Variants in SMURF1 observed in about 807,000 individuals in gnomAD.
SMURF1 encodes E3 ubiquitin-protein ligase SMURF1.
Under a neutral mutation model 98.0 loss-of-function variants are expected in SMURF1, and 44 were observed. The ratio of observed to expected loss-of-function variants is 0.45; its 90% confidence interval spans 0.35 to 0.58. SMURF1 has a LOEUF of 0.58. SMURF1 is among the 20% of genes least tolerant of loss of function. The pLI is 0.00. For missense variants in SMURF1, 687 were observed against 938.4 expected, an observed-to-expected ratio of 0.73 and a Z score of 3.50; for synonymous variants, 396 against 374.9, an observed-to-expected ratio of 1.06 and a Z score of -0.65.
intron 1 of SMURF1, among the ~76,000 whole-genome samples, chr7:99,066,871 G>A (rs1046009508): frequency 6.6e-6 from 1 of 151,878 alleles, no homozygotes; most frequent in African/African-American, 2.4e-5. Flanking sequence ...TAAGTTAATG[G>A]TATATGATTT....
intron 1 of SMURF1, among the ~76,000 whole-genome samples, chr7:99,108,502 C>T (rs1175323442): frequency 6.9e-6 from 1 of 144,946 alleles, no homozygotes. Flanking sequence ...ATCCTAGCTA[C>T]TGGGGAGGCT....
chr7:99,078,353 G>T (rs1168940485), intron 1 of SMURF1, among the ~76,000 whole-genome samples: 7 of 151,702 alleles, frequency 4.6e-5, no homozygotes, highest in Admixed American at 4.6e-4. Context: ...AAAATTGACA[G>T]ATAATTAGGT....
At chr7:99,059,689 C>T (rs1278016737) in intron 3 of SMURF1, among the ~76,000 whole-genome samples, 1 of 151,690 alleles carries the variant, frequency 6.6e-6, no homozygotes, top group Non-Finnish European at 1.5e-5. Flanking sequence ...GCGGGTGGAT[C>T]ATGAGGTCAG....
chr7:99,135,330 T>TTCTCTCCTCTCTCCC (rs766592325), intron 1 of SMURF1, among the ~76,000 whole-genome samples: 1 of 152,176 alleles, frequency 6.6e-6, no homozygotes, highest in East Asian at 1.9e-4. Context: ...CTTCTCTCTT[T>TTCTCTCCTCTCTCCC]TCTCTCCTCT....
intron 1 of SMURF1, among the ~76,000 whole-genome samples, chr7:99,104,164 G>A (rs868191549): frequency 6.6e-6 from 1 of 152,100 alleles, no homozygotes; most frequent in Non-Finnish European, 1.5e-5. Context: ...TGCGATTATG[G>A]GCATGAACCA....
intron 1 of SMURF1, among the ~76,000 whole-genome samples, chr7:99,078,674 G>A (rs1025446072): frequency 6.6e-6 from 1 of 152,324 alleles, no homozygotes; most frequent in South Asian, 2.1e-4. Flanking sequence ...TCTCATAGGA[G>A]CATGAACCCT....
chr7:99,091,263 G>A (rs1796804438), intron 1 of SMURF1, among the ~76,000 whole-genome samples: 1 of 152,114 alleles, frequency 6.6e-6, no homozygotes, highest in African/African-American at 2.4e-5. Context: ...ATGCGGATCT[G>A]AAACACACAC....
At chr7:99,048,559 G>GA (rs1795656408) in intron 9 of SMURF1, 1 of 152,352 alleles carries the variant, frequency 6.6e-6, no homozygotes, top group South Asian at 2.1e-4. Context: ...GAGATGATGG[G>GA]AAAAAATTTT....
chr7:99,036,279 G>A, intron 15 of SMURF1: 1 of 157,494 alleles, frequency 6.3e-6, no homozygotes, highest in South Asian at 1.9e-4. Context: ...GGAGTTCAAG[G>A]CCAGCCTGGG....
At chr7:99,063,263 A>AAGATT (rs1323337132) in intron 1 of SMURF1, among the ~76,000 whole-genome samples, 152 of 8,020 alleles carry the variant, frequency 0.019, 2 homozygotes, top group Admixed American at 0.099. Context: ...ATATATATAT[A>AAGATT]TATATATATA....
intron 1 of SMURF1, among the ~76,000 whole-genome samples, chr7:99,079,121 A>C (rs1388275728): frequency 6.6e-6 from 1 of 152,224 alleles, no homozygotes; most frequent in Non-Finnish European, 1.5e-5. Context: ...CCCAGGTGGG[A>C]AGCCGGGAAG....
intron 5 of SMURF1, 47 bp downstream of exon 5, chr7:99,057,158 G>A (rs375188496): frequency 5.0e-6 from 8 of 1,602,074 alleles, no homozygotes; most frequent in African/African-American, 2.7e-5. Context: ...AGGGTTGAAT[G>A]TAAGTTCTGG....
At chr7:99,087,699 A>T (rs951715702) in intron 1 of SMURF1, among the ~76,000 whole-genome samples, 1 of 151,750 alleles carries the variant, frequency 6.6e-6, no homozygotes, top group African/African-American at 2.4e-5. Context: ...ACATTAAATG[A>T]CTCCTCCGAC....
chr7:99,083,865 C>A (rs905760545), intron 1 of SMURF1, among the ~76,000 whole-genome samples: 18 of 152,230 alleles, frequency 1.2e-4, no homozygotes, highest in Non-Finnish European at 2.5e-4. Flanking sequence ...TGGCTGCCCC[C>A]TTTCGATAAC....
intron 1 of SMURF1, among the ~76,000 whole-genome samples, chr7:99,114,717 C>T (rs1797401450): frequency 6.6e-6 from 1 of 152,126 alleles, no homozygotes. Context: ...TCTTCTCAAG[C>T]ACATGTGGAA....
rs887242579 is a variant in SMURF1, at chr7:99,088,389, C to T, written c.56-26552G>A. Among the ~76,000 whole-genome samples, 4 of 152,114 alleles carry T rather than the reference C, an allele frequency of 2.6e-5. No individual in the cohort carries two copies. In the East Asian group the frequency reaches 7.7e-4, roughly 29 times the overall value. ...GGGTCCCCTGGCAACCAACATGCTC[C>T]ACCTCCTTTACCCCTGCGCTTCCAG... On this transcript the variant is annotated intron_variant, in intron 1 of 17. Coordinates refer to ENST00000361368, the MANE Select transcript of SMURF1 (RefSeq NM_181349.3).
chr7:99,049,428 A>C (rs1795685458), intron 9 of SMURF1, 135 bp downstream of exon 9: 2 of 915,092 alleles, frequency 2.2e-6, no homozygotes, highest in Non-Finnish European at 3.3e-6. Flanking sequence ...ATTATCCGCC[A>C]GATATTTAAC....
chr7:99,049,459 TATC>T, intron 9 of SMURF1, 101 bp downstream of exon 9: 2 of 1,196,056 alleles, frequency 1.7e-6, no homozygotes, highest in Non-Finnish European at 2.4e-6. Flanking sequence ...CCATGCTTAT[TATC>T]CAACCAGCAA....
intron 1 of SMURF1, among the ~76,000 whole-genome samples, chr7:99,117,340 G>A (rs1237785821): frequency 1.3e-5 from 2 of 151,604 alleles, no homozygotes; most frequent in Non-Finnish European, 2.9e-5. Flanking sequence ...CACAAACAAC[G>A]CTTTTTTTGG....
Sources: allele counts gnomAD v4.1 joint callset (sites outside exome capture counted in the v4.1 genomes callset), GRCh38; gene constraint gnomAD v4.1.1; transcripts MANE v1.5; gene names NCBI Gene and HGNC (gene_info 2026-07-23, HGNC 2026-07-21).